The following STRN variants were observed in gnomAD, a reference collection of about 807,000 sequenced individuals.
The protein encoded by STRN is striatin, also known as protein phosphatase 2 regulatory subunit B'''alpha.
In STRN, 53 loss-of-function variants were observed where a neutral mutation model predicts 96.3. That is an observed-to-expected ratio of 0.55 (90% CI 0.44 to 0.69). STRN has a LOEUF of 0.69. Among genes scored for constraint, STRN ranks in the 30% least tolerant of loss-of-function variants. STRN has a pLI of 0.00. For missense variants in STRN, 987 were observed against 963.9 expected, an observed-to-expected ratio of 1.02 and a Z score of -0.32; for synonymous variants, 428 against 355.9, an observed-to-expected ratio of 1.20 and a Z score of -2.28.
intron 12 of STRN, among the ~76,000 whole-genome samples, chr2:36,864,887 G>C (rs913593530): frequency 1.3e-5 from 2 of 151,994 alleles, no homozygotes; most frequent in African/African-American, 4.8e-5. Context: ...TAATTTTTTT[G>C]TATTTTTAGC....
chr2:36,879,628 G>C (rs1248682023), intron 9 of STRN, among the ~76,000 whole-genome samples: 1 of 152,202 alleles, frequency 6.6e-6, no homozygotes, highest in Non-Finnish European at 1.5e-5. Flanking sequence ...AAACGTCAGA[G>C]ATAGTCTTTG....
intron 15 of STRN, among the ~76,000 whole-genome samples, chr2:36,853,777 A>G (rs1668277098): frequency 6.6e-6 from 1 of 152,192 alleles, no homozygotes; most frequent in Non-Finnish European, 1.5e-5. Flanking sequence ...ACAGAACAAC[A>G]CAATCAATTA....
At chr2:36,950,293 G>A (rs954268467) in intron 1 of STRN, among the ~76,000 whole-genome samples, 1 of 132,436 alleles carries the variant, frequency 7.6e-6, no homozygotes, top group East Asian at 2.6e-4. Flanking sequence ...TCGGCTCACC[G>A]CAACCTCCGT....
Position 36,858,020 on chromosome 2 carries a change from G to T in STRN, c.1673C>A (p.Pro558His). The change falls in exon 14 of 18, where the codon CCT (proline) becomes CAT (histidine). Residue 558 changes from proline to histidine, a missense_variant. By Grantham distance (77) the Pro-to-His change is moderately conservative. Coordinates refer to ENST00000263918, the MANE Select transcript of STRN (RefSeq NM_003162.4). ...TAGCAGAGGGCCTCGTAAAACAGAA[G>T]GATCTATACAAAACAGTAAAAATGC... Reference protein sequence around the residue: ...PNIDPYDSYDPSVLRGPLLGH... With the variant: ...PNIDPYDSYDHSVLRGPLLGH... 1 of 1,589,730 alleles carries T rather than the reference G, an allele frequency of 6.3e-7. No individual in the cohort carries two copies. Among genetic ancestry groups the T allele is most frequent in the Non-Finnish European group, 8.6e-7 (1 of 1,166,208 alleles).
intron 3 of STRN, among the ~76,000 whole-genome samples, chr2:36,914,882 G>A (rs1051512277): frequency 1.3e-5 from 2 of 151,962 alleles, no homozygotes; most frequent in Admixed American, 6.6e-5. Flanking sequence ...ATACTTTACC[G>A]AATAACCACT....
chr2:36,886,659 CTG>C lies in STRN; in HGVS notation c.1042+55_1042+56del, dbSNP rs1669236738. ...TTTAGGAAAACATTGAAAAAAAAAACTGGGGGATGTAAAGAGGCAAGATTTAT... is the reference window on the plus strand; with the variant it reads ...TTTAGGAAAACATTGAAAAAAAAAACGGGGATGTAAAGAGGCAAGATTTAT... On this transcript the variant is annotated intron_variant, in intron 8 of 17. Transcript: ENST00000263918. 2.1e-5 allele frequency: 27 copies of C among 1,292,510 alleles called. No homozygotes were observed. The East Asian group carries it at 6.9e-4, about 33-fold the overall frequency. 80.1% of individuals were successfully genotyped at this position (1,292,510 alleles called of 1,614,324 possible).
At chr2:36,849,898 C>A in intron 16 of STRN, 98 bp from the exon 17 acceptor site, 1 of 1,140,660 alleles carries the variant, frequency 8.8e-7, no homozygotes, top group Non-Finnish European at 1.3e-6. Flanking sequence ...TCATCCCTCT[C>A]TGTGTGCTTA....
chr2:36,914,583 G>A (rs1670043161), intron 3 of STRN, among the ~76,000 whole-genome samples: 1 of 152,148 alleles, frequency 6.6e-6, no homozygotes, highest in South Asian at 2.1e-4. Flanking sequence ...TAGATCTCAA[G>A]CATTTAATAT....
Position 36,847,681 on chromosome 2 carries a change from T to G in STRN, c.*1775A>C, listed in dbSNP as rs1668113335. On this transcript the variant is annotated 3_prime_UTR_variant, in exon 18 of 18. Coordinates refer to ENST00000263918, the MANE Select transcript of STRN (RefSeq NM_003162.4). Reference sequence around the variant, plus strand: ...ATCAGGCAAATTTAGCACAAGTCTCTAGCTTTAAAGAAAATTTGCCTGTAT... The same window carrying G: ...ATCAGGCAAATTTAGCACAAGTCTCGAGCTTTAAAGAAAATTTGCCTGTAT... The G allele has an allele frequency of 6.6e-6, 1 of 152,108 alleles. No individual in the cohort carries two copies. The highest frequency in any genetic ancestry group is 1.5e-5 in the Non-Finnish European group (1 of 68,000). The allele number at this position is 152,108 out of a possible 1,614,324, so 9.4% of individuals were successfully genotyped here. A position where few individuals can be genotyped will look rare whatever the true frequency, so the allele number is the denominator to read the frequency against.
Position 36,857,940 on chromosome 2 carries a change from A to G in STRN, c.1753T>C (p.Leu585=). ...LAYSAAHQRL[L]SCSADGTLRL... ...AGAGTGCCATCTGCTGAACAGGACA[A>G]CAAACGCTGATGTGCTGCACTATAA... Residue 585 remains leucine (L), a synonymous_variant, in exon 14 of 18, where the codon TTG becomes CTG. Transcript: ENST00000263918. 1 of 1,613,994 alleles carries G rather than the reference A, an allele frequency of 6.2e-7. No homozygotes were observed. Among genetic ancestry groups the G allele is most frequent in the East Asian group, 2.2e-5 (1 of 44,866 alleles).
At chr2:36,851,430 C>T (rs963119376) in intron 15 of STRN, among the ~76,000 whole-genome samples, 3 of 152,000 alleles carry the variant, frequency 2.0e-5, no homozygotes, top group Non-Finnish European at 2.9e-5. Context: ...TTGCAGTGAG[C>T]CGAGATCGTG....
chr2:36,883,197 G>A (rs1463782102), intron 9 of STRN, among the ~76,000 whole-genome samples: 2 of 152,188 alleles, frequency 1.3e-5, no homozygotes, highest in South Asian at 2.1e-4. Flanking sequence ...GCTCATGCCT[G>A]TAATCCCAGC....
chr2:36,965,024 G>A (rs1164731703), intron 1 of STRN, among the ~76,000 whole-genome samples: 1 of 152,138 alleles, frequency 6.6e-6, no homozygotes, highest in Non-Finnish European at 1.5e-5. Flanking sequence ...GTCTACTACA[G>A]CCTTGTGTGT....
At chr2:36,920,880 T>C (rs906965814) in intron 2 of STRN, among the ~76,000 whole-genome samples, 24 of 151,698 alleles carry the variant, frequency 1.6e-4, no homozygotes, top group Non-Finnish European at 2.5e-4. Flanking sequence ...ATCGAGACCA[T>C]CCTGGCCAAG....
In STRN at chr2:36,869,745, A is replaced by G; in HGVS notation, c.1324-16T>C. ...TGTTTGCTATCTATTAAAGAAACAA[A>G]ACAAAGATATCTACACACTTAGTTA... On this transcript the variant is annotated splice_polypyrimidine_tract_variant and intron_variant, in intron 10 of 17. Transcript: ENST00000263918. The G allele has an allele frequency of 3.2e-6, 5 of 1,571,554 alleles. No homozygotes were observed. The highest frequency in any genetic ancestry group is 4.3e-6 in the Non-Finnish European group (5 of 1,160,342).
At chr2:36,929,692 C>T (rs1261953246) in intron 1 of STRN, among the ~76,000 whole-genome samples, 4 of 152,082 alleles carry the variant, frequency 2.6e-5, no homozygotes, top group Non-Finnish European at 5.9e-5. Flanking sequence ...CTTATTGAAG[C>T]CATTTTAAAC....
intron 1 of STRN, 122 bp downstream of exon 1, chr2:36,966,108 G>A (rs1665152708): frequency 1.7e-6 from 2 of 1,179,770 alleles, no homozygotes; most frequent in South Asian, 3.7e-5. Flanking sequence ...CTCCGGGTGG[G>A]ATGGGCGGCA....
chr2:36,930,724 A>T (rs1670551710), intron 1 of STRN, among the ~76,000 whole-genome samples: 1 of 152,082 alleles, frequency 6.6e-6, no homozygotes, highest in Admixed American at 6.6e-5. Context: ...CAGTCTGTTA[A>T]GGAGCAAGGA....
At chr2:36,866,975 T>C (rs1447736413) in intron 12 of STRN, among the ~76,000 whole-genome samples, 1 of 152,198 alleles carries the variant, frequency 6.6e-6, no homozygotes, top group Non-Finnish European at 1.5e-5. Flanking sequence ...GCTTCTTTAA[T>C]GCAACTTGCC....
Sources: allele counts gnomAD v4.1 joint callset (sites outside exome capture counted in the v4.1 genomes callset), GRCh38; gene constraint gnomAD v4.1.1; transcripts MANE v1.5; gene names NCBI Gene and HGNC (gene_info 2026-07-23, HGNC 2026-07-21).